The following REEP1 variants were observed in gnomAD, a reference collection of about 807,000 sequenced individuals.
REEP1 encodes receptor accessory protein 1, also known as receptor expression-enhancing protein 1.
Under a neutral mutation model 40.3 loss-of-function variants are expected in REEP1, and 22 were observed. That is an observed-to-expected ratio of 0.55 (90% CI 0.39 to 0.78). The LOEUF is 0.78. REEP1 is among the 30% of genes least tolerant of loss of function. The pLI is 0.00. For missense variants in REEP1, 280 were observed against 361.1 expected, an observed-to-expected ratio of 0.78 and a Z score of 1.82; for synonymous variants, 116 against 139.2, an observed-to-expected ratio of 0.83 and a Z score of 1.17.
chr2:86,263,052 T>G (rs749904929), intron 3 of REEP1, among the ~76,000 whole-genome samples: 9 of 152,236 alleles, frequency 5.9e-5, no homozygotes, highest in Non-Finnish European at 1.3e-4. Flanking sequence ...ATCTATGCCA[T>G]GAAATATTAT....
At chr2:86,260,561 C>A (rs1420613054) in intron 3 of REEP1, among the ~76,000 whole-genome samples, 3 of 152,058 alleles carry the variant, frequency 2.0e-5, no homozygotes, top group African/African-American at 7.2e-5. Context: ...TCACAAGAGC[C>A]CTTAAAACAA....
intron 5 of REEP1, among the ~76,000 whole-genome samples, chr2:86,245,158 G>A (rs1254632575): frequency 5.9e-5 from 9 of 152,126 alleles, no homozygotes; most frequent in African/African-American, 2.2e-4. Flanking sequence ...AACAAAGGGG[G>A]TGGGGGGCTA....
chr2:86,227,384 A>C lies in REEP1; in HGVS notation c.610T>G (p.Ser204Ala). 8.1e-7 allele frequency: 1 copy of C among 1,232,312 alleles called. No individual in the cohort carries two copies. Among genetic ancestry groups the C allele is most frequent in the Non-Finnish European group, 1.0e-6 (1 of 988,150 alleles). 76.3% of individuals were successfully genotyped at this position (1,232,312 alleles called of 1,614,324 possible). ...SASSSVCTCC[S>A]TCRTWKVVEG... ...TCACCTTTCCAGGTCCTGCAGGTGG[A>C]GCAGCAGGTACACACTGTGGGAATG... Residue 204 changes from serine to alanine, a missense_variant, in exon 7 of 9, where the codon TCC (serine) becomes GCC (alanine). Ser to Ala is a moderately conservative substitution (Grantham distance 99). Around this residue, in one of 3 missense-constraint regions of REEP1, gnomAD observed 201 missense variants for 238.5 expected, o/e 0.84. Transcript: ENST00000538924.
At chr2:86,272,862 C>T (rs774252189) in intron 2 of REEP1, among the ~76,000 whole-genome samples, 7 of 152,174 alleles carry the variant, frequency 4.6e-5, no homozygotes, top group Non-Finnish European at 5.9e-5. Context: ...GTGGCTCATG[C>T]CAGTAATCCC....
At chr2:86,230,614 T>C (rs1674956129) in intron 6 of REEP1, among the ~76,000 whole-genome samples, 1 of 152,200 alleles carries the variant, frequency 6.6e-6, no homozygotes, top group Admixed American at 6.5e-5. Flanking sequence ...AGCATGACAA[T>C]GCGCCTTCTC....
chr2:86,241,888 G>T (rs1163752906), intron 5 of REEP1, among the ~76,000 whole-genome samples: 1 of 152,182 alleles, frequency 6.6e-6, no homozygotes, highest in African/African-American at 2.4e-5. Flanking sequence ...CAGAACAGTG[G>T]GGAACCCTGA....
At chr2:86,329,053 T>C (rs1033580526) in intron 1 of REEP1, among the ~76,000 whole-genome samples, 3 of 152,128 alleles carry the variant, frequency 2.0e-5, no homozygotes, top group East Asian at 1.9e-4. Context: ...AGAGATTTTA[T>C]TGAGTGATGG....
chr2:86,337,302 C>T lies in REEP1; in HGVS notation c.32+177G>A. The stretch of plus-strand genomic sequence containing the variant: ...GCTGCCTCCTGGGCAGCAGCCGCGT[C>T]CTGCGCCGCCCGTCCGCCCGCAGGC... On this transcript the variant is annotated intron_variant, in intron 1 of 8. Coordinates refer to ENST00000538924, the MANE Select transcript of REEP1 (RefSeq NM_001371279.1). This position sits in a 1 kb window ranked among gnomAD's most constrained non-coding sequence, Gnocchi z 5.8. The T allele has an allele frequency of 2.9e-6, 1 of 342,004 alleles. No individual in the cohort carries two copies. 21.2% of individuals were successfully genotyped at this position (342,004 alleles called of 1,614,324 possible).
At chr2:86,334,349 G>T (rs1282236687) in intron 1 of REEP1, among the ~76,000 whole-genome samples, 3 of 152,136 alleles carry the variant, frequency 2.0e-5, no homozygotes, top group Admixed American at 6.5e-5. Context: ...TCTTTGATGT[G>T]ACAGAGGCTT....
chr2:86,287,278 G>C (rs1313672316), intron 1 of REEP1, among the ~76,000 whole-genome samples: 1 of 152,064 alleles, frequency 6.6e-6, no homozygotes, highest in East Asian at 1.9e-4. Context: ...AGTAGAGCCA[G>C]GGTTTCTCCA....
intron 1 of REEP1, among the ~76,000 whole-genome samples, chr2:86,321,770 A>T (rs1680279592): frequency 6.6e-6 from 1 of 152,198 alleles, no homozygotes; most frequent in African/African-American, 2.4e-5. Flanking sequence ...CTCTTAGCAA[A>T]CTATCACTTG....
At chr2:86,329,756 C>G (rs1036772120) in intron 1 of REEP1, among the ~76,000 whole-genome samples, 1 of 152,128 alleles carries the variant, frequency 6.6e-6, no homozygotes, top group African/African-American at 2.4e-5. Context: ...AGACCACACT[C>G]TGAGGAGTGA....
At chr2:86,330,414 G>GTGT (rs1406769235) in intron 1 of REEP1, among the ~76,000 whole-genome samples, 1 of 127,800 alleles carries the variant, frequency 7.8e-6, no homozygotes, top group Non-Finnish European at 1.7e-5. Context: ...AGTGAATCCT[G>GTGT]GTGTGTGTGT....
intron 1 of REEP1, among the ~76,000 whole-genome samples, chr2:86,312,032 C>T (rs550886375): frequency 1.3e-5 from 2 of 152,338 alleles, no homozygotes; most frequent in East Asian, 3.9e-4. Context: ...ATGCAGCCCT[C>T]TCTTTTCATT....
At chr2:86,286,771 G>A (rs1344681463) in intron 1 of REEP1, among the ~76,000 whole-genome samples, 5 of 152,156 alleles carry the variant, frequency 3.3e-5, no homozygotes, top group African/African-American at 4.8e-5. Context: ...GTTGCTGACC[G>A]TAGCCAAGTC....
intron 1 of REEP1, among the ~76,000 whole-genome samples, chr2:86,305,727 G>A (rs1028759925): frequency 6.6e-5 from 10 of 152,068 alleles, no homozygotes; most frequent in Non-Finnish European, 1.3e-4. Flanking sequence ...CTTGGCACCT[G>A]CAGCCAGCAG....
Position 86,217,462 on chromosome 2 carries a change from C to T in REEP1, c.784-352G>A, listed in dbSNP as rs554769105. Among the ~76,000 whole-genome samples, 8 of 152,230 alleles carry T rather than the reference C, an allele frequency of 5.3e-5. No homozygotes were observed. The South Asian group carries it at 1.7e-3, about 32-fold the overall frequency. On this transcript the variant is annotated intron_variant, in intron 8 of 8. Coordinates refer to ENST00000538924, the MANE Select transcript of REEP1 (RefSeq NM_001371279.1). ...GAGACACCTCCGCATGCTTCCTTTG[C>T]TTTTGTTATTTCCTTTGGGAACCAG... is the stretch of plus-strand genomic sequence containing the variant.
chr2:86,218,433 T>G (rs1369623632), intron 8 of REEP1, among the ~76,000 whole-genome samples: 1 of 152,174 alleles, frequency 6.6e-6, no homozygotes, highest in Non-Finnish European at 1.5e-5. Flanking sequence ...AAAACAAGAC[T>G]CAGGCCCTCT....
chr2:86,285,952 C>A (rs1158363898), intron 1 of REEP1, among the ~76,000 whole-genome samples: 2 of 152,146 alleles, frequency 1.3e-5, no homozygotes, highest in Non-Finnish European at 2.9e-5. Flanking sequence ...TCCAGAGAGA[C>A]CAGGCTCTGC....
Sources: gnomAD v4.1 joint callset for allele counts (sites outside exome capture counted in the v4.1 genomes callset) on GRCh38, gnomAD v4.1.1 for gene constraint, gnomAD v4.1.1 regional missense constraint, Gnocchi (gnomAD v3.1) non-coding constraint, MANE v1.5 for transcripts, NCBI Gene and HGNC (gene_info 2026-07-23, HGNC 2026-07-21) for gene names.